Variants in GRK7 observed in about 807,000 individuals in gnomAD.
The protein encoded by GRK7 is rhodopsin kinase GRK7.
In GRK7, 24 loss-of-function variants were observed where a neutral mutation model predicts 34.1. That is an observed-to-expected ratio of 0.70 (90% confidence interval 0.51 to 0.99). The LOEUF (loss-of-function observed/expected upper bound fraction) is 0.99, where lower values mean the gene tolerates loss of function less well. Ranked by LOEUF, GRK7 falls within the 50% of genes least tolerant of loss-of-function variation. The pLI is 0.00. For missense variants in GRK7, 644 were observed against 707.3 expected, an observed-to-expected ratio of 0.91 and a Z score of 1.02; for synonymous variants, 256 against 279.4, an observed-to-expected ratio of 0.92 and a Z score of 0.84.
At chr3:141,798,820 A>G (rs999312888) in intron 4 of GRK7, among the ~76,000 whole-genome samples, 3 of 152,186 alleles carry the variant, frequency 2.0e-5, no homozygotes, top group Non-Finnish European at 4.4e-5. Context: ...CCTCAGTGAA[A>G]TACCTCCGCT....
At chr3:141,791,210 G>T (rs2681693) in intron 4 of GRK7, among the ~76,000 whole-genome samples, 20,311 of 152,162 alleles carry the variant, frequency 0.13, 1,361 homozygotes, top group Non-Finnish European at 0.15. Flanking sequence ...GGAGACAGAG[G>T]TTTGGTATTA....
chr3:141,776,243 C>T (rs1023429226), intron 2 of GRK7, among the ~76,000 whole-genome samples: 2 of 151,972 alleles, frequency 1.3e-5, no homozygotes, highest in African/African-American at 2.4e-5. Flanking sequence ...GCCGAGATCA[C>T]GCCACTGCAC....
chr3:141,775,468 A>G (rs535612128), intron 2 of GRK7, among the ~76,000 whole-genome samples: 1 of 152,200 alleles, frequency 6.6e-6, no homozygotes, highest in Non-Finnish European at 1.5e-5. Context: ...AACAGATGAT[A>G]AGAAAAACTC....
At chr3:141,815,699 C>CTCTGTG (rs1711144980) in intron 5 of GRK7, among the ~76,000 whole-genome samples, 6 of 145,912 alleles carry the variant, frequency 4.1e-5, no homozygotes, top group Admixed American at 2.8e-4. Flanking sequence ...CTATTTTGAG[C>CTCTGTG]TGTGTGTGTG....
intron 4 of GRK7, among the ~76,000 whole-genome samples, chr3:141,792,692 G>A (rs2084730142): frequency 6.6e-6 from 1 of 152,186 alleles, no homozygotes; most frequent in Non-Finnish European, 1.5e-5. Context: ...TGTGAAATAT[G>A]TGTTTGGTCT....
intron 2 of GRK7, among the ~76,000 whole-genome samples, chr3:141,776,611 G>A (rs1174654547): frequency 1.3e-5 from 2 of 152,190 alleles, no homozygotes; most frequent in African/African-American, 4.8e-5. Context: ...GCGCAGCGGT[G>A]CAAAGCCAAA....
At chr3:141,798,674 C>T (rs534232587) in intron 4 of GRK7, among the ~76,000 whole-genome samples, 4 of 152,212 alleles carry the variant, frequency 2.6e-5, no homozygotes, top group Non-Finnish European at 5.9e-5. Context: ...GCGTTCTCTC[C>T]TCCCACCCTA....
chr3:141,817,327 T>C lies in GRK7; in HGVS notation c.*277T>C. The C allele has an allele frequency of 3.0e-6, 1 of 336,700 alleles. No individual in the cohort carries two copies. The highest frequency in any genetic ancestry group is 5.4e-6 in the Non-Finnish European group (1 of 185,492). The allele number at this position is 336,700 out of a possible 1,614,324, so 20.9% of individuals were successfully genotyped here. A position where few individuals can be genotyped will look rare whatever the true frequency, so the allele number is the denominator to read the frequency against. ...TGAAAGCATCAGCCTTTTACCATCATGTCCCTGTGTATTACGCAAAGTCCT... is the reference window on the plus strand; with the variant it reads ...TGAAAGCATCAGCCTTTTACCATCACGTCCCTGTGTATTACGCAAAGTCCT... On this transcript the variant is annotated 3_prime_UTR_variant, in exon 6 of 6. Coordinates refer to ENST00000682958, the MANE Select transcript of GRK7 (RefSeq NM_139209.3).
At chr3:141,806,476 C>T (rs917117754) in intron 4 of GRK7, among the ~76,000 whole-genome samples, 9 of 151,924 alleles carry the variant, frequency 5.9e-5, no homozygotes, top group Admixed American at 3.9e-4. Context: ...GGCAGGAGAA[C>T]GGCTTGAACC....
intron 1 of GRK7, among the ~76,000 whole-genome samples, chr3:141,768,285 T>C (rs1343984293): frequency 2.0e-5 from 3 of 151,804 alleles, no homozygotes; most frequent in Non-Finnish European, 4.4e-5. Context: ...TTTTTTTTTT[T>C]TTGAGACGGA....
chr3:141,775,527 T>C (rs2084635250), intron 2 of GRK7, among the ~76,000 whole-genome samples: 2 of 152,184 alleles, frequency 1.3e-5, no homozygotes, highest in Non-Finnish European at 2.9e-5. Context: ...AAGTCTGTGC[T>C]CTCCAATAAG....
At chr3:141,774,839 C>T (rs1313841863) in intron 2 of GRK7, among the ~76,000 whole-genome samples, 159 bp downstream of exon 2, 2 of 151,312 alleles carry the variant, frequency 1.3e-5, no homozygotes, top group East Asian at 3.9e-4. Flanking sequence ...TGTTTTGAGA[C>T]AGAGTCTCAC....
intron 5 of GRK7, among the ~76,000 whole-genome samples, chr3:141,811,902 A>G (rs1316391499): frequency 6.6e-6 from 1 of 152,214 alleles, no homozygotes; most frequent in Non-Finnish European, 1.5e-5. Flanking sequence ...AGAGAAGCCA[A>G]AAGCTTTTCT....
chr3:141,766,514 G>A (rs570377613), intron 1 of GRK7, among the ~76,000 whole-genome samples: 70 of 150,536 alleles, frequency 4.7e-4, no homozygotes, highest in Non-Finnish European at 7.2e-4. Context: ...ACTTTTATTC[G>A]CCACCAAATG....
chr3:141,817,145 T>C lies in GRK7; in HGVS notation c.*95T>C. On this transcript the variant is annotated 3_prime_UTR_variant, in exon 6 of 6. Coordinates refer to ENST00000682958, the MANE Select transcript of GRK7 (RefSeq NM_139209.3). ...AATCTGTGGAATGAGGGCTAATCAG[T>C]TAGGAGGGACATCACAACCACAAAA... is the stretch of plus-strand genomic sequence containing the variant. 1.1e-6 allele frequency: 1 copy of C among 911,474 alleles called. No individual in the cohort carries two copies. The highest frequency in any genetic ancestry group is 1.7e-6 in the Non-Finnish European group (1 of 604,022). 56.5% of individuals were successfully genotyped at this position (911,474 alleles called of 1,614,324 possible).
chr3:141,791,351 GC>G (rs1210835639), intron 4 of GRK7, among the ~76,000 whole-genome samples: 2 of 151,902 alleles, frequency 1.3e-5, no homozygotes, highest in Non-Finnish European at 2.9e-5. Flanking sequence ...TCATGACCAT[GC>G]CCCCCAGTTT....
intron 4 of GRK7, 33 bp downstream of exon 4, chr3:141,780,844 G>A: frequency 1.3e-6 from 2 of 1,577,690 alleles, no homozygotes; most frequent in Non-Finnish European, 1.7e-6. Flanking sequence ...CAAGTGCGGG[G>A]CACAGAGTTG....
chr3:141,778,065 G>C lies in GRK7; in HGVS notation c.-113-107G>C. 1 of 530,464 alleles carries C rather than the reference G, an allele frequency of 1.9e-6. No homozygotes were observed. The highest frequency in any genetic ancestry group is 3.7e-5 in the South Asian group (1 of 27,130). 32.9% of individuals were successfully genotyped at this position (530,464 alleles called of 1,614,324 possible). A position where few individuals can be genotyped will look rare whatever the true frequency, so the allele number is the denominator to read the frequency against. ...GTCCCAGCAGCTTTCGCCTTGGCAG[G>C]TGGGAGCATGACCTATCGTGTGCAG... On this transcript the variant is annotated intron_variant, in intron 2 of 5. Coordinates refer to ENST00000682958, the MANE Select transcript of GRK7 (RefSeq NM_139209.3). This position sits in a 1 kb window ranked among gnomAD's most constrained non-coding sequence, Gnocchi z 4.1.
intron 4 of GRK7, among the ~76,000 whole-genome samples, chr3:141,788,327 G>C (rs959785615): frequency 2.6e-5 from 4 of 152,280 alleles, no homozygotes; most frequent in Non-Finnish European, 5.9e-5. Flanking sequence ...GAAAGAGAAA[G>C]AGACTAGAGC....
Sources: allele counts gnomAD v4.1 joint callset (sites outside exome capture counted in the v4.1 genomes callset), GRCh38; gene constraint gnomAD v4.1.1; non-coding constraint Gnocchi (gnomAD v3.1); transcripts MANE v1.5; gene names NCBI Gene and HGNC (gene_info 2026-07-23, HGNC 2026-07-21).